PDS5B: variants seen among roughly 807,000 people sequenced by gnomAD.
The protein encoded by PDS5B is sister chromatid cohesion protein PDS5 homolog B.
In PDS5B, 51 loss-of-function variants were observed where a neutral mutation model predicts 184.1. The observed-to-expected ratio is 0.28, with a 90% CI of 0.22 to 0.35. PDS5B has a LOEUF of 0.35. PDS5B is among the 10% of genes least tolerant of loss of function. PDS5B has a pLI of 1.00. For synonymous variants in PDS5B, 566 were observed against 569.2 expected (o/e 0.99, Z 0.08); for missense variants, 1,180 against 1,723.3 (o/e 0.68, Z 5.58).
rs186434451 is a variant in PDS5B, at chr13:32,750,757, G to C, written c.2737-2575G>C. ...GGGCTTCACCATGTTGGCCAGGCTG[G>C]TCTCGAACTCCTGACCTCAGGTGAT... On this transcript the variant is annotated intron_variant, in intron 24 of 34. Coordinates refer to ENST00000315596, the MANE Select transcript of PDS5B (RefSeq NM_015032.4). Among the ~76,000 whole-genome samples, 1,446 of 152,110 alleles carry C rather than the reference G, an allele frequency of 9.5e-3. 34 individuals are homozygous for C. The highest frequency in any genetic ancestry group is 0.048 in the Admixed American group (740 of 15,262).
At chr13:32,764,999 T>G (rs1219765570) in intron 31 of PDS5B, among the ~76,000 whole-genome samples, 1 of 152,170 alleles carries the variant, frequency 6.6e-6, no homozygotes, top group Non-Finnish European at 1.5e-5. Context: ...TTCTTGAGCC[T>G]TTTACTAAAT....
At chr13:32,720,104 T>C (rs1952618820) in intron 19 of PDS5B, among the ~76,000 whole-genome samples, 1 of 152,232 alleles carries the variant, frequency 6.6e-6, no homozygotes, top group South Asian at 2.1e-4. Context: ...GGCTGCAATG[T>C]ATTAAAGATT....
chr13:32,674,004 A>C lies in PDS5B; in HGVS notation c.846+648A>C, dbSNP rs148920724. Among the ~76,000 whole-genome samples the C allele has an allele frequency of 3.9e-4, 60 of 151,992 alleles. No individual in the cohort carries two copies. In the East Asian group the frequency reaches 0.011, roughly 28 times the overall value. ...AATTTTTGTATTTTTTGGTAGAGAC[A>C]GGGTTTCACCATGTTGGCCAGGCTG... On this transcript the variant is annotated intron_variant, in intron 8 of 34. Transcript: ENST00000315596.
chr13:32,713,483 G>A (rs949986570), intron 19 of PDS5B, among the ~76,000 whole-genome samples: 2 of 152,164 alleles, frequency 1.3e-5, no homozygotes, highest in Non-Finnish European at 2.9e-5. Flanking sequence ...AGAGAAAAAA[G>A]ATAACAAAAA....
At position 32,764,576 on chromosome 13, in the gene PDS5B, C is replaced by T. The variant is rs41292175; in HGVS notation, c.3606C>T (p.Asp1202=). ...PLPGKKSDKR[D]DSDLVRSELE... ...CGGGGAAAAAAAGTGACAAGAGAGACGACTCTGATCTTGTAAGGGTGAGAT... is the reference window on the plus strand; with the variant it reads ...CGGGGAAAAAAAGTGACAAGAGAGATGACTCTGATCTTGTAAGGGTGAGAT... The change falls in exon 31 of 35, where the codon GAC becomes GAT. Residue 1202 remains aspartate (D), a synonymous_variant. Coordinates refer to ENST00000315596, the MANE Select transcript of PDS5B (RefSeq NM_015032.4). The T allele has an allele frequency of 3.9e-3, 6,234 of 1,583,328 alleles. 12 individuals are homozygous for T. The highest frequency in any genetic ancestry group is 5.0e-3 in the Non-Finnish European group (5,762 of 1,157,092).
intron 7 of PDS5B, among the ~76,000 whole-genome samples, chr13:32,671,262 T>G (rs1396407594): frequency 2.0e-5 from 3 of 152,200 alleles, no homozygotes; most frequent in African/African-American, 7.2e-5. Context: ...AAGTGTTCAA[T>G]ACATGTGTTT....
chr13:32,661,171 G>A (rs1051207722), intron 6 of PDS5B, among the ~76,000 whole-genome samples: 1 of 151,874 alleles, frequency 6.6e-6, no homozygotes, highest in African/African-American at 2.4e-5. Context: ...ATCACCTGAG[G>A]CCAGGAGTTC....
intron 19 of PDS5B, among the ~76,000 whole-genome samples, chr13:32,711,567 AG>A (rs374331650): frequency 2.6e-5 from 4 of 151,818 alleles, no homozygotes; most frequent in African/African-American, 9.7e-5. Context: ...CATGTTGACC[AG>A]GCTGGGCTCC....
At position 32,589,706 on chromosome 13, in the gene PDS5B, G is replaced by T. The variant is rs79324420; in HGVS notation, c.-20+3113G>T. Among the ~76,000 whole-genome samples, 23 of 152,244 alleles carry T rather than the reference G, an allele frequency of 1.5e-4. No individual in the cohort carries two copies. The East Asian group carries it at 4.4e-3, about 29-fold the overall frequency. On this transcript the variant is annotated intron_variant, in intron 1 of 34. Transcript: ENST00000315596. Reference sequence around the variant, plus strand: ...CTAGTTACAATAGGCGTTTTACTTGGTTTTCGTATTCCTGTTCGGGAATGT... The same window carrying T: ...CTAGTTACAATAGGCGTTTTACTTGTTTTTCGTATTCCTGTTCGGGAATGT...
chr13:32,750,440 A>AG, intron 24 of PDS5B, among the ~76,000 whole-genome samples: 1 of 152,266 alleles, frequency 6.6e-6, no homozygotes, highest in South Asian at 2.1e-4. Context: ...ACTGATACTG[A>AG]GGGCGGGGTG....
chr13:32,607,290 T>A (rs1362468518), intron 1 of PDS5B, among the ~76,000 whole-genome samples: 1 of 152,246 alleles, frequency 6.6e-6, no homozygotes, highest in Non-Finnish European at 1.5e-5. Context: ...GTCAGGACCC[T>A]CAGCTGCAGG....
At chr13:32,638,808 G>A (rs2058608540) in intron 1 of PDS5B, among the ~76,000 whole-genome samples, 1 of 152,038 alleles carries the variant, frequency 6.6e-6, no homozygotes. Context: ...CTGGTATTAG[G>A]GAAGAGGGAG....
intron 1 of PDS5B, among the ~76,000 whole-genome samples, chr13:32,616,230 T>C (rs1480417925): frequency 3.9e-5 from 6 of 152,098 alleles, no homozygotes; most frequent in Non-Finnish European, 7.4e-5. Context: ...ATTTTTTGTA[T>C]TTTTAGTAGA....
chr13:32,635,341 CTTTT>C (rs576811097), intron 1 of PDS5B, among the ~76,000 whole-genome samples: 2 of 103,810 alleles, frequency 1.9e-5, no homozygotes, highest in Admixed American at 1.0e-4. Context: ...CCTGGCCTGT[CTTTT>C]TTTTTTTTTT....
At chr13:32,739,365 A>G (rs1008914830) in intron 21 of PDS5B, among the ~76,000 whole-genome samples, 2 of 152,128 alleles carry the variant, frequency 1.3e-5, no homozygotes, top group African/African-American at 4.8e-5. Context: ...TTAATGTTTT[A>G]TAGTTTTCTC....
chr13:32,590,286 A>G (rs1240148567), intron 1 of PDS5B, among the ~76,000 whole-genome samples: 1 of 152,202 alleles, frequency 6.6e-6, no homozygotes, highest in Non-Finnish European at 1.5e-5. Flanking sequence ...TTGACGGATA[A>G]TTACCTGATT....
chr13:32,600,653 C>T (rs1303756093), intron 1 of PDS5B, among the ~76,000 whole-genome samples: 1 of 152,146 alleles, frequency 6.6e-6, no homozygotes, highest in African/African-American at 2.4e-5. Flanking sequence ...GCAGGAGAAT[C>T]ACTTGAACCT....
At chr13:32,716,782 G>A (rs529134568) in intron 19 of PDS5B, among the ~76,000 whole-genome samples, 2,194 of 128,386 alleles carry the variant, frequency 0.017, 73 homozygotes, top group African/African-American at 0.052. Flanking sequence ...CGCCCCGTCC[G>A]GGAGGGAGGT....
At chr13:32,627,819 T>A (rs1391855684) in intron 1 of PDS5B, among the ~76,000 whole-genome samples, 1 of 152,192 alleles carries the variant, frequency 6.6e-6, no homozygotes, top group Admixed American at 6.5e-5. Context: ...CTAATTGATT[T>A]CTTGCATACC....
Sources: gnomAD v4.1 joint callset for allele counts (sites outside exome capture counted in the v4.1 genomes callset) on GRCh38, gnomAD v4.1.1 for gene constraint, MANE v1.5 for transcripts, NCBI Gene and HGNC (gene_info 2026-07-23, HGNC 2026-07-21) for gene names.